The following PTPRT variants were observed in gnomAD, a reference collection of about 807,000 sequenced individuals.
PTPRT encodes the protein protein tyrosine phosphatase receptor type T.
PTPRT carries 56 observed loss-of-function variants against 176.8 expected under a neutral mutation model. The observed-to-expected ratio is 0.32, with a 90% CI of 0.26 to 0.40. PTPRT has a LOEUF of 0.40. PTPRT is among the 10% of genes least tolerant of loss of function. The pLI is 1.00. For synonymous variants in PTPRT, 783 were observed against 739.0 expected (o/e 1.06, Z -0.96); for missense variants, 1,540 against 1,908.2 (o/e 0.81, Z 3.60).
In PTPRT at chr20:42,607,086, C is replaced by T. The variant is rs73907001; in HGVS notation, c.1153+70780G>A. Reference sequence around the variant, plus strand: ...CTTAAGCTAATTGAAATAAGTCAATCGCAAAAAGAGAAATATTATATAATT... The same window carrying T: ...CTTAAGCTAATTGAAATAAGTCAATTGCAAAAAGAGAAATATTATATAATT... On this transcript the variant is annotated intron_variant, in intron 7 of 30. Coordinates refer to ENST00000373187, the MANE Select transcript of PTPRT (RefSeq NM_007050.6). 9.6e-3 allele frequency among the ~76,000 whole-genome samples: 1,460 copies of T among 152,132 alleles called. 24 individuals carry two copies. The highest frequency in any genetic ancestry group is 0.033 in the African/African-American group (1,373 of 41,528).
At chr20:42,822,666 A>G (rs1429128838) in intron 2 of PTPRT, among the ~76,000 whole-genome samples, 1 of 152,198 alleles carries the variant, frequency 6.6e-6, no homozygotes, top group Non-Finnish European at 1.5e-5. Context: ...ACAAAAATCT[A>G]ATATCCACAA....
rs2058421271 is a variant in PTPRT, at chr20:42,360,712, G to A, written c.1561-8427C>T. On this transcript the variant is annotated intron_variant, in intron 9 of 30. Transcript: ENST00000373187. The stretch of plus-strand genomic sequence containing the variant: ...AAGTTTAACCTGGTTAAGTTGCTAA[G>A]TTGCATGACCAATTCCTCTCCAGTT... Among the ~76,000 whole-genome samples the A allele has an allele frequency of 2.0e-5, 3 of 152,286 alleles. No individual in the cohort carries two copies. In the South Asian group the frequency reaches 6.2e-4, roughly 32 times the overall value.
At chr20:42,284,952 C>T (rs1271884111) in intron 12 of PTPRT, among the ~76,000 whole-genome samples, 2 of 147,112 alleles carry the variant, frequency 1.4e-5, no homozygotes, top group African/African-American at 2.5e-5. Context: ...GAGAACATAC[C>T]CAAAAGATGA....
intron 7 of PTPRT, among the ~76,000 whole-genome samples, chr20:42,503,011 G>T (rs548563576): frequency 6.6e-6 from 1 of 151,912 alleles, no homozygotes; most frequent in Non-Finnish European, 1.5e-5. Context: ...TTATTTCTTG[G>T]ACTTTTAATA....
chr20:43,026,466 G>T (rs375194986), intron 1 of PTPRT, among the ~76,000 whole-genome samples: 1 of 152,114 alleles, frequency 6.6e-6, no homozygotes, highest in African/African-American at 2.4e-5. Context: ...CGTAGTAGGT[G>T]TATGTATTTC....
chr20:42,553,875 A>C (rs775246082), intron 7 of PTPRT, among the ~76,000 whole-genome samples: 4 of 152,140 alleles, frequency 2.6e-5, no homozygotes, highest in Non-Finnish European at 2.9e-5. Context: ...CTGTGGATGC[A>C]GAAGACATTT....
At chr20:42,226,126 A>G (rs1382552152) in intron 15 of PTPRT, among the ~76,000 whole-genome samples, 1 of 152,212 alleles carries the variant, frequency 6.6e-6, no homozygotes, top group Non-Finnish European at 1.5e-5. Context: ...GTAACGTTTT[A>G]TTAACACGTT....
At chr20:42,046,709 C>T in the PTPRT span, among the ~76,000 whole-genome samples, 1 of 152,238 alleles carries the variant, frequency 6.6e-6, no homozygotes, top group Non-Finnish European at 1.5e-5. Context: ...GACTCTTGAT[C>T]AATTTGTTTA....
intron 2 of PTPRT, among the ~76,000 whole-genome samples, chr20:42,822,278 C>T (rs1235988187): frequency 2.0e-5 from 3 of 152,094 alleles, no homozygotes; most frequent in Non-Finnish European, 4.4e-5. Flanking sequence ...CTTCAACAAA[C>T]CTGACAAAAA....
intron 9 of PTPRT, among the ~76,000 whole-genome samples, chr20:42,400,644 A>G (rs537051333): frequency 5.9e-5 from 9 of 152,212 alleles, no homozygotes; most frequent in African/African-American, 2.2e-4. Context: ...TGTCTTTGCA[A>G]AGGTGAGAAC....
Position 42,767,787 on chromosome 20 carries a change from CAT to C in PTPRT, c.684+3646_684+3647del, listed in dbSNP as rs992734755. ...TATTTATATATACATATATTTTAAACATAAATATATTACATATAATTATATAT... is the reference window on the plus strand; with the variant it reads ...TATTTATATATACATATATTTTAAACAAATATATTACATATAATTATATAT... On this transcript the variant is annotated intron_variant, in intron 5 of 30. Coordinates refer to ENST00000373187, the MANE Select transcript of PTPRT (RefSeq NM_007050.6). Among the ~76,000 whole-genome samples the C allele has an allele frequency of 5.6e-5, 8 of 144,124 alleles. No individual in the cohort carries two copies. In the South Asian group the frequency reaches 8.7e-4, roughly 16 times the overall value. 94.6% of individuals were successfully genotyped at this position (144,124 alleles called of 152,430 possible).
intron 23 of PTPRT, 108 bp from the exon 24 acceptor site, chr20:42,107,029 G>C: frequency 1.5e-6 from 2 of 1,374,252 alleles, no homozygotes; most frequent in Non-Finnish European, 2.0e-6. Context: ...GGAGGCTCTA[G>C]ATTATGTGTT....
chr20:42,718,629 T>C (rs1250548840), intron 6 of PTPRT, among the ~76,000 whole-genome samples: 1 of 152,160 alleles, frequency 6.6e-6, no homozygotes, highest in Non-Finnish European at 1.5e-5. Flanking sequence ...CCAAAAAATA[T>C]ATAATTTATG....
chr20:42,509,542 A>G (rs141586366), intron 7 of PTPRT, among the ~76,000 whole-genome samples: 1,606 of 147,220 alleles, frequency 0.011, 16 homozygotes, highest in Non-Finnish European at 0.017. Context: ...AAATTAATAT[A>G]TATCAATTTA....
intron 6 of PTPRT, among the ~76,000 whole-genome samples, chr20:42,739,365 AAG>A (rs1470661866): frequency 2.0e-5 from 3 of 152,100 alleles, no homozygotes; most frequent in African/African-American, 7.2e-5. Context: ...TGGTAGGGGG[AAG>A]AGAGGAGGAA....
At chr20:42,629,762 C>A (rs565612946) in intron 7 of PTPRT, among the ~76,000 whole-genome samples, 5 of 152,194 alleles carry the variant, frequency 3.3e-5, no homozygotes, top group Non-Finnish European at 7.3e-5. Context: ...AGATCAAATC[C>A]AGAACCAGGC....
intron 7 of PTPRT, among the ~76,000 whole-genome samples, chr20:42,515,379 A>G (rs535345861): frequency 2.0e-5 from 3 of 152,206 alleles, no homozygotes; most frequent in African/African-American, 7.2e-5. Flanking sequence ...GTTACTCGGG[A>G]GGCTGAGGCA....
intron 9 of PTPRT, among the ~76,000 whole-genome samples, chr20:42,374,361 T>C (rs1266709385): frequency 2.0e-5 from 3 of 152,350 alleles, no homozygotes; most frequent in Non-Finnish European, 4.4e-5. Flanking sequence ...AGTAAATAGC[T>C]GTGGCTAGTT....
At chr20:42,348,733 A>G (rs1192452915) in intron 11 of PTPRT, among the ~76,000 whole-genome samples, 1 of 152,266 alleles carries the variant, frequency 6.6e-6, no homozygotes, top group Non-Finnish European at 1.5e-5. Context: ...GTAAACCAGG[A>G]CCAAGTAATA....
Sources: allele counts gnomAD v4.1 joint callset (sites outside exome capture counted in the v4.1 genomes callset), GRCh38; gene constraint gnomAD v4.1.1; transcripts MANE v1.5; gene names NCBI Gene and HGNC (gene_info 2026-07-23, HGNC 2026-07-21).